TCF7L1: variants seen among roughly 807,000 people sequenced by gnomAD.
The protein encoded by TCF7L1 is transcription factor 7-like 1.
In TCF7L1, 18 loss-of-function variants were observed where a neutral mutation model predicts 63.7. The observed-to-expected ratio is 0.28, with a 90% confidence interval of 0.20 to 0.42. The LOEUF is 0.42. Ranked by LOEUF, TCF7L1 falls within the 10% of genes least tolerant of loss-of-function variation. The pLI is 1.00. For missense variants in TCF7L1, 654 were observed against 779.3 expected (o/e 0.84, Z 1.91); for synonymous variants, 355 against 340.9 (o/e 1.04, Z -0.46).
In TCF7L1 at chr2:85,157,075, A is replaced by G. The variant is rs141694813; in HGVS notation, c.441+22625A>G. Among the ~76,000 whole-genome samples the G allele has an allele frequency of 3.3e-5, 5 of 152,352 alleles. No individual in the cohort carries two copies. In the East Asian group the frequency reaches 9.6e-4, roughly 29 times the overall value. On this transcript the variant is annotated intron_variant, in intron 3 of 11. Transcript: ENST00000282111. Reference sequence around the variant, plus strand: ...GAATCCCTGGTGTACATATACACATATTATATATACACACAAATAAAAACA... The same window carrying G: ...GAATCCCTGGTGTACATATACACATGTTATATATACACACAAATAAAAACA...
At chr2:85,184,576 G>C (rs1000787738) in intron 3 of TCF7L1, among the ~76,000 whole-genome samples, 1 of 152,154 alleles carries the variant, frequency 6.6e-6, no homozygotes, top group Non-Finnish European at 1.5e-5. Context: ...CCAGCCCTTG[G>C]AGCATGCAGG....
At chr2:85,206,484 C>T (rs1679412954) in intron 3 of TCF7L1, among the ~76,000 whole-genome samples, 1 of 152,200 alleles carries the variant, frequency 6.6e-6, no homozygotes, top group South Asian at 2.1e-4. Flanking sequence ...ACTGCCAAGT[C>T]CCAGGCTCTG....
At chr2:85,262,747 G>A (rs1680886649) in intron 3 of TCF7L1, among the ~76,000 whole-genome samples, 1 of 152,198 alleles carries the variant, frequency 6.6e-6, no homozygotes, top group African/African-American at 2.4e-5. Context: ...TATGGGTTGT[G>A]GTCCCTAGAG....
intron 4 of TCF7L1, among the ~76,000 whole-genome samples, chr2:85,294,447 T>C (rs554533522): frequency 1.3e-5 from 2 of 152,196 alleles, no homozygotes; most frequent in Non-Finnish European, 2.9e-5. Context: ...ATTTGCATTC[T>C]AACAAGTTTC....
intron 3 of TCF7L1, among the ~76,000 whole-genome samples, chr2:85,184,123 C>T (rs1044209128): frequency 6.6e-6 from 1 of 152,112 alleles, no homozygotes; most frequent in Non-Finnish European, 1.5e-5. Flanking sequence ...GAACTGTTCA[C>T]ACAGTTTGGC....
intron 3 of TCF7L1, among the ~76,000 whole-genome samples, chr2:85,235,897 T>C (rs1680179500): frequency 6.6e-6 from 1 of 152,052 alleles, no homozygotes; most frequent in African/African-American, 2.4e-5. Flanking sequence ...CTGTGGCTCA[T>C]GATTGTAATC....
At chr2:85,152,438 T>TC (rs1491570486) in intron 3 of TCF7L1, among the ~76,000 whole-genome samples, 106 of 143,030 alleles carry the variant, frequency 7.4e-4, no homozygotes, top group African/African-American at 2.4e-3. Flanking sequence ...TCTCTCTCTC[T>TC]TTTTTTTTTT....
At chr2:85,220,645 T>C (rs922430015) in intron 3 of TCF7L1, among the ~76,000 whole-genome samples, 9 of 152,194 alleles carry the variant, frequency 5.9e-5, no homozygotes, top group Admixed American at 3.3e-4. Flanking sequence ...ATTACAGGCA[T>C]GAGCCACTGC....
At position 85,289,221 on chromosome 2, in the gene TCF7L1, AGTGTGT is replaced by A. The variant is rs10701623; in HGVS notation, c.525+5670_525+5675del. On this transcript the variant is annotated intron_variant, in intron 4 of 11. Coordinates refer to ENST00000282111, the MANE Select transcript of TCF7L1 (RefSeq NM_031283.3). The stretch of plus-strand genomic sequence containing the variant: ...TTTGTTAAATAGTATTTCAGTCTGG[AGTGTGT>A]GTGTGTGTGTGTGTGTGTGTGTGTG... Among the ~76,000 whole-genome samples, 10 of 146,422 alleles carry A rather than the reference AGTGTGT, an allele frequency of 6.8e-5. No individual in the cohort carries two copies. In the South Asian group the frequency reaches 8.7e-4, roughly 13 times the overall value.
chr2:85,266,813 A>G (rs1479615624), intron 3 of TCF7L1, among the ~76,000 whole-genome samples: 1 of 152,152 alleles, frequency 6.6e-6, no homozygotes, highest in African/African-American at 2.4e-5. Flanking sequence ...TCCCCTTCCA[A>G]TTATTTTTAT....
rs190126023 is a variant in TCF7L1 at position 85,194,236 on chromosome 2, G to T, written c.441+59786G>T. ...CAGACTCTAAGGCATTGCCAAGTTG[G>T]AATTACAGAATTCAGGAGTGGTGGC... On this transcript the variant is annotated intron_variant, in intron 3 of 11. Coordinates refer to ENST00000282111, the MANE Select transcript of TCF7L1 (RefSeq NM_031283.3). Among the ~76,000 whole-genome samples the T allele has an allele frequency of 1.8e-3, 267 of 152,240 alleles. 1 individual carries two copies. The highest frequency in any genetic ancestry group is 6.2e-3 in the African/African-American group (256 of 41,536).
At chr2:85,217,374 T>G (rs1291268257) in intron 3 of TCF7L1, among the ~76,000 whole-genome samples, 1 of 152,208 alleles carries the variant, frequency 6.6e-6, no homozygotes, top group Non-Finnish European at 1.5e-5. Context: ...TCTACACTCT[T>G]TAATTTCCAA....
intron 10 of TCF7L1, among the ~76,000 whole-genome samples, chr2:85,307,182 GC>G (rs1334691733): frequency 7.8e-6 from 1 of 128,498 alleles, no homozygotes; most frequent in Non-Finnish European, 1.7e-5. Flanking sequence ...CTAACCCAGG[GC>G]TCAAAGACCA....
Position 85,133,895 on chromosome 2 carries a change from A to G in TCF7L1, c.211A>G (p.Asn71Asp). Residue 71 changes from asparagine to aspartate, a missense_variant, in exon 1 of 12, where the codon AAC (asparagine) becomes GAC (aspartate). Around this residue, in one of 3 missense-constraint regions of TCF7L1, gnomAD observed 404 missense variants for 454.8 expected, o/e 0.89. Coordinates refer to ENST00000282111, the MANE Select transcript of TCF7L1 (RefSeq NM_031283.3). The surrounding 1 kb of genome is among the most constrained non-coding windows in gnomAD (Gnocchi z 4.4). ...DLDEVKSSLVNESENQSSSSD... is the reference protein window; with the variant it reads ...DLDEVKSSLVDESENQSSSSD... Reference sequence around the variant, plus strand: ...AGACGAGGTCAAGTCGTCCCTGGTCAACGAGTCGGAGAACCAGAGCAGCAG... The same window carrying G: ...AGACGAGGTCAAGTCGTCCCTGGTCGACGAGTCGGAGAACCAGAGCAGCAG... 2 of 1,521,654 alleles carry G rather than the reference A, an allele frequency of 1.3e-6. No homozygotes were observed. Among genetic ancestry groups the G allele is most frequent in the Non-Finnish European group, 1.8e-6 (2 of 1,131,588 alleles). The allele number at this position is 1,521,654 out of a possible 1,614,324, so 94.3% of individuals were successfully genotyped here.
rs142725310 is a variant in TCF7L1 at position 85,209,052 on chromosome 2, G to A, written c.442-74443G>A. Among the ~76,000 whole-genome samples, 463 of 152,322 alleles carry A rather than the reference G, an allele frequency of 3.0e-3. 3 individuals are homozygous for A. Among genetic ancestry groups the A allele is most frequent in the African/African-American group, 0.011 (449 of 41,572 alleles). ...GCGCCACATTAAAACAGGGTGGTCTGGTTGTAAGCGTTTCCTCCGAGTGGG... is the reference window on the plus strand; with the variant it reads ...GCGCCACATTAAAACAGGGTGGTCTAGTTGTAAGCGTTTCCTCCGAGTGGG... On this transcript the variant is annotated intron_variant, in intron 3 of 11. Coordinates refer to ENST00000282111, the MANE Select transcript of TCF7L1 (RefSeq NM_031283.3).
chr2:85,205,813 A>AC (rs1679395695), intron 3 of TCF7L1, among the ~76,000 whole-genome samples: 1 of 152,130 alleles, frequency 6.6e-6, no homozygotes, highest in Non-Finnish European at 1.5e-5. Context: ...GAGCCGCTGC[A>AC]CCCAGCCTCC....
chr2:85,307,322 G>T (rs1216420986), intron 10 of TCF7L1, among the ~76,000 whole-genome samples: 5 of 152,188 alleles, frequency 3.3e-5, no homozygotes, highest in Non-Finnish European at 7.3e-5. Context: ...AGGGACCTGG[G>T]ACCCCTCAGA....
intron 3 of TCF7L1, among the ~76,000 whole-genome samples, chr2:85,194,702 G>A (rs1679114676): frequency 6.6e-6 from 1 of 152,090 alleles, no homozygotes; most frequent in Admixed American, 6.5e-5. Flanking sequence ...CCAGCAGTGT[G>A]TGCCATATCA....
chr2:85,176,350 G>A (rs1003066781), intron 3 of TCF7L1, among the ~76,000 whole-genome samples: 5 of 152,200 alleles, frequency 3.3e-5, no homozygotes, highest in African/African-American at 1.2e-4. Flanking sequence ...TCTGCAGGTA[G>A]ATGATTATTT....
Sources: gnomAD v4.1 joint callset for allele counts (sites outside exome capture counted in the v4.1 genomes callset) on GRCh38, gnomAD v4.1.1 for gene constraint, gnomAD v4.1.1 regional missense constraint, Gnocchi (gnomAD v3.1) non-coding constraint, MANE v1.5 for transcripts, NCBI Gene and HGNC (gene_info 2026-07-23, HGNC 2026-07-21) for gene names.